The following NEDD4 variants were observed in gnomAD, a reference collection of about 807,000 sequenced individuals.
NEDD4 encodes the protein NEDD4 E3 ubiquitin protein ligase, also known as E3 ubiquitin-protein ligase NEDD4.
Under a neutral mutation model 144.9 loss-of-function variants are expected in NEDD4, and 99 were observed. That is an observed-to-expected ratio of 0.68 (90% confidence interval 0.58 to 0.81). The LOEUF (loss-of-function observed/expected upper bound fraction) is 0.81. Among genes scored for constraint, NEDD4 ranks in the 30% least tolerant of loss-of-function variants. The pLI is 0.00. For missense variants in NEDD4, 985 were observed against 1,065.9 expected, an observed-to-expected ratio of 0.92 and a Z score of 1.06; for synonymous variants, 318 against 350.6, an observed-to-expected ratio of 0.91 and a Z score of 1.04.
At chr15:55,902,316 A>G (rs2035937827) in intron 5 of NEDD4, among the ~76,000 whole-genome samples, 1 of 152,214 alleles carries the variant, frequency 6.6e-6, no homozygotes, top group Non-Finnish European at 1.5e-5. Context: ...AATTTTGTCA[A>G]TACTAAAATG....
At chr15:55,992,725 T>A (rs540229902) in intron 1 of NEDD4, among the ~76,000 whole-genome samples, 1 of 152,250 alleles carries the variant, frequency 6.6e-6, no homozygotes, top group Non-Finnish European at 1.5e-5. Flanking sequence ...ACAATATTTT[T>A]AATAAGCATA....
chr15:55,839,033 ATTTT>A (rs36010044), intron 21 of NEDD4, among the ~76,000 whole-genome samples: 3 of 145,874 alleles, frequency 2.1e-5, no homozygotes, highest in African/African-American at 7.6e-5. Flanking sequence ...TTTTAATTTA[ATTTT>A]TTTTTTTTTG....
intron 4 of NEDD4, among the ~76,000 whole-genome samples, chr15:55,942,942 G>A (rs2037034755): frequency 6.6e-6 from 1 of 152,214 alleles, no homozygotes; most frequent in Non-Finnish European, 1.5e-5. Context: ...TGGTCTCGAA[G>A]ACAAGGAATC....
chr15:55,897,019 A>G (rs1430612002), intron 5 of NEDD4, among the ~76,000 whole-genome samples: 6 of 152,040 alleles, frequency 3.9e-5, no homozygotes, highest in Non-Finnish European at 5.9e-5. Context: ...TGTTGCCCAG[A>G]CCGGAGTGCA....
chr15:55,944,541 C>CCTCA (rs1491414590), intron 4 of NEDD4, among the ~76,000 whole-genome samples: 1 of 152,214 alleles, frequency 6.6e-6, no homozygotes, highest in African/African-American at 2.4e-5. Flanking sequence ...CCTATATAGA[C>CCTCA]TCAACCTCTG....
At chr15:55,988,553 G>A (rs2037936029) in intron 1 of NEDD4, among the ~76,000 whole-genome samples, 1 of 148,708 alleles carries the variant, frequency 6.7e-6, no homozygotes, top group African/African-American at 2.5e-5. Flanking sequence ...GCAAAGACAT[G>A]CCACGTAAAA....
chr15:55,991,382 G>A (rs1427651185), intron 1 of NEDD4, among the ~76,000 whole-genome samples: 1 of 152,160 alleles, frequency 6.6e-6, no homozygotes, highest in African/African-American at 2.4e-5. Context: ...ATAGTGGAGA[G>A]GGCAACCTCC....
chr15:55,889,527 T>A (rs1298672969), intron 5 of NEDD4, among the ~76,000 whole-genome samples: 3 of 152,000 alleles, frequency 2.0e-5, no homozygotes, highest in Non-Finnish European at 4.4e-5. Context: ...ATTAAAACAA[T>A]TGAACTGAGA....
intron 17 of NEDD4, 80 bp from the exon 18 acceptor site, chr15:55,847,114 G>A: frequency 1.2e-6 from 1 of 824,200 alleles, no homozygotes; most frequent in South Asian, 1.9e-5. Context: ...TGTATTTTAT[G>A]AACGTAAGGG....
At position 55,916,888 on chromosome 15, in the gene NEDD4, G is replaced by A. The variant is rs192202649; in HGVS notation, c.291+7758C>T. 3.0e-5 allele frequency: 46 copies of A among 1,532,512 alleles called. No homozygotes were observed. The African/African-American group carries it at 4.1e-4, about 14-fold the overall frequency. 94.9% of individuals were successfully genotyped at this position (1,532,512 alleles called of 1,614,324 possible). A position where few individuals can be genotyped will look rare whatever the true frequency, so the allele number is the denominator to read the frequency against. ...AAAGTCATAACAAAGATCTCTGTCC[G>A]TAGACAGGCTAGAAGCAGCTGCACT... On this transcript the variant is annotated intron_variant, in intron 5 of 28. Transcript: ENST00000435532.
At chr15:55,949,428 T>C (rs1445042177) in intron 4 of NEDD4, among the ~76,000 whole-genome samples, 1 of 152,222 alleles carries the variant, frequency 6.6e-6, no homozygotes, top group Non-Finnish European at 1.5e-5. Flanking sequence ...AAATACCATT[T>C]GACCCAGCAA....
At chr15:55,831,192 T>C (rs74998877) in intron 27 of NEDD4, among the ~76,000 whole-genome samples, 14,011 of 152,252 alleles carry the variant, frequency 0.092, 712 homozygotes, top group Middle Eastern at 0.15. Context: ...AATGTTGAGA[T>C]TACAGGCATG....
intron 13 of NEDD4, among the ~76,000 whole-genome samples, chr15:55,851,747 G>A (rs1437897528): frequency 1.3e-5 from 2 of 151,890 alleles, no homozygotes; most frequent in Non-Finnish European, 2.9e-5. Flanking sequence ...AAAGTGCTGG[G>A]ATTATAGGCA....
At chr15:55,911,823 C>T (rs1216646660) in intron 5 of NEDD4, among the ~76,000 whole-genome samples, 2 of 152,114 alleles carry the variant, frequency 1.3e-5, no homozygotes, top group Non-Finnish European at 2.9e-5. Flanking sequence ...CCACCGCGCC[C>T]GGCCTAGACT....
chr15:55,913,873 A>T (rs1259080781), intron 5 of NEDD4, among the ~76,000 whole-genome samples: 7 of 152,040 alleles, frequency 4.6e-5, no homozygotes, highest in African/African-American at 1.2e-4. Flanking sequence ...CATTAAGTGT[A>T]AAATAAATTT....
chr15:55,928,312 T>C (rs1457349043), intron 4 of NEDD4, among the ~76,000 whole-genome samples: 1 of 152,130 alleles, frequency 6.6e-6, no homozygotes, highest in African/African-American at 2.4e-5. Flanking sequence ...ACGCCTGGCC[T>C]ATCTTATCTT....
chr15:55,950,146 A>G (rs974819743), intron 4 of NEDD4, among the ~76,000 whole-genome samples: 1 of 152,172 alleles, frequency 6.6e-6, no homozygotes, highest in Admixed American at 6.6e-5. Context: ...AATAGTAAAA[A>G]CAGAAATTTA....
At chr15:55,887,529 T>C (rs2035433565) in intron 5 of NEDD4, among the ~76,000 whole-genome samples, 1 of 152,324 alleles carries the variant, frequency 6.6e-6, no homozygotes, top group African/African-American at 2.4e-5. Flanking sequence ...CAGCATCCAA[T>C]GGCTTCACTG....
chr15:55,967,440 CTGTGTGTGTGTGTGTGTG>C (rs200788423), intron 1 of NEDD4, among the ~76,000 whole-genome samples: 2 of 142,264 alleles, frequency 1.4e-5, no homozygotes, highest in African/African-American at 5.2e-5. Flanking sequence ...CATAACTATG[CTGTGTGTGTGTGTGTGTG>C]TGTGTGTGTG....
Sources: allele counts gnomAD v4.1 joint callset (sites outside exome capture counted in the v4.1 genomes callset), GRCh38; gene constraint gnomAD v4.1.1; transcripts MANE v1.5; gene names NCBI Gene and HGNC (gene_info 2026-07-23, HGNC 2026-07-21).